PCCA: variants seen among roughly 807,000 people sequenced by gnomAD.
The protein encoded by PCCA is propionyl-CoA carboxylase alpha chain, mitochondrial.
A neutral mutation model predicts 101.3 loss-of-function variants in PCCA; 74 were observed. The observed-to-expected ratio is 0.73, with a 90% CI of 0.61 to 0.89. PCCA has a LOEUF of 0.89. Among genes scored for constraint, PCCA ranks in the 40% least tolerant of loss-of-function variants. The pLI, the probability that PCCA is intolerant of heterozygous loss-of-function variation, is 0.00. For missense variants in PCCA, 891 were observed against 907.0 expected (o/e 0.98, Z 0.23); for synonymous variants, 294 against 313.6 (o/e 0.94, Z 0.66).
At chr13:100,314,558 G>A (rs1282063969) in intron 16 of PCCA, among the ~76,000 whole-genome samples, 1 of 152,134 alleles carries the variant, frequency 6.6e-6, no homozygotes. Flanking sequence ...CATCTCATTA[G>A]CATAAACTCA....
chr13:100,127,603 G>T (rs2050079454), intron 4 of PCCA, among the ~76,000 whole-genome samples: 1 of 152,144 alleles, frequency 6.6e-6, no homozygotes, highest in Non-Finnish European at 1.5e-5. Flanking sequence ...TATAATAAAA[G>T]ATTTGAGGGC....
chr13:100,450,933 C>A (rs2081177322), intron 21 of PCCA, among the ~76,000 whole-genome samples: 1 of 152,144 alleles, frequency 6.6e-6, no homozygotes, highest in South Asian at 2.1e-4. Context: ...ATGGAATCAA[C>A]AAGATGTGTG....
intron 8 of PCCA, among the ~76,000 whole-genome samples, chr13:100,254,421 A>C (rs2061948185): frequency 6.6e-6 from 1 of 152,230 alleles, no homozygotes; most frequent in African/African-American, 2.4e-5. Context: ...AAAATGTGAG[A>C]GAACATTAGT....
chr13:100,421,945 A>G (rs889241341), intron 19 of PCCA, among the ~76,000 whole-genome samples: 6 of 152,120 alleles, frequency 3.9e-5, no homozygotes, highest in African/African-American at 1.4e-4. Context: ...TCGGCCTCCC[A>G]AAGTGCTGGG....
chr13:100,316,735 G>C (rs1189710436), intron 16 of PCCA, among the ~76,000 whole-genome samples: 2 of 151,932 alleles, frequency 1.3e-5, no homozygotes, highest in Non-Finnish European at 2.9e-5. Flanking sequence ...ATGAAAGCCA[G>C]TAAAGTTAAA....
At chr13:100,232,638 C>T (rs1054434311) in intron 7 of PCCA, among the ~76,000 whole-genome samples, 1 of 152,142 alleles carries the variant, frequency 6.6e-6, no homozygotes, top group Non-Finnish European at 1.5e-5. Flanking sequence ...ATCTTGGCCT[C>T]CCAAAGTGCT....
At chr13:100,182,615 T>C (rs781466269) in intron 6 of PCCA, among the ~76,000 whole-genome samples, 4 of 152,050 alleles carry the variant, frequency 2.6e-5, no homozygotes, top group Non-Finnish European at 5.9e-5. Flanking sequence ...AGTCAGTCAG[T>C]CTTCTCTCTG....
At chr13:100,326,164 TATGAAAGAGGCAACCAAGGAAATC>T (rs2068654180) in intron 16 of PCCA, among the ~76,000 whole-genome samples, 1 of 152,200 alleles carries the variant, frequency 6.6e-6, no homozygotes, top group Admixed American at 6.5e-5. Flanking sequence ...TCACAGGATT[TATGAAAGAGGCAACCAAGGAAATC>T]ATGAAAGAGA....
intron 18 of PCCA, among the ~76,000 whole-genome samples, chr13:100,341,900 C>G (rs1420105594): frequency 6.8e-6 from 1 of 146,462 alleles, no homozygotes; most frequent in Non-Finnish European, 1.5e-5. Flanking sequence ...TAAAAATTAC[C>G]TGTAATCCCA....
At chr13:100,275,234 C>A (rs1315993701) in intron 12 of PCCA, among the ~76,000 whole-genome samples, 1 of 152,096 alleles carries the variant, frequency 6.6e-6, no homozygotes, top group Non-Finnish European at 1.5e-5. Flanking sequence ...TGTCTTCATG[C>A]CTGTGCCTCT....
chr13:100,137,810 T>TA (rs1275320601), intron 4 of PCCA, among the ~76,000 whole-genome samples: 2 of 151,324 alleles, frequency 1.3e-5, no homozygotes, highest in Admixed American at 6.6e-5. Context: ...AAGTCTTTTT[T>TA]TTTTTTTTAT....
chr13:100,128,158 T>G lies in PCCA; in HGVS notation c.300+16097T>G, dbSNP rs1184528295. On this transcript the variant is annotated intron_variant, in intron 4 of 23. Coordinates refer to ENST00000376285, the MANE Select transcript of PCCA (RefSeq NM_000282.4). Reference sequence around the variant, plus strand: ...GGGGCTTCAAGTATAAAGCCAATCTTCGGGTTGCCAAAGATCACTGGGCTA... The same window carrying G: ...GGGGCTTCAAGTATAAAGCCAATCTGCGGGTTGCCAAAGATCACTGGGCTA... Among the ~76,000 whole-genome samples the G allele has an allele frequency of 2.0e-5, 3 of 152,202 alleles. No individual in the cohort carries two copies. In the East Asian group the frequency reaches 5.8e-4, roughly 29 times the overall value.
At chr13:100,371,509 G>A (rs1363403015) in intron 19 of PCCA, among the ~76,000 whole-genome samples, 2 of 152,138 alleles carry the variant, frequency 1.3e-5, no homozygotes, top group African/African-American at 4.8e-5. Context: ...GGCTGAGACA[G>A]TAGGTTCACT....
chr13:100,141,911 C>T (rs1218049820), intron 4 of PCCA, among the ~76,000 whole-genome samples: 1 of 152,134 alleles, frequency 6.6e-6, no homozygotes, highest in Non-Finnish European at 1.5e-5. Context: ...ATGGGTGGAA[C>T]ATCAAATAGT....
chr13:100,468,072 G>A (rs764955733), intron 21 of PCCA, among the ~76,000 whole-genome samples: 7 of 152,126 alleles, frequency 4.6e-5, no homozygotes, highest in South Asian at 2.1e-4. Context: ...GTATATCTCC[G>A]TCAGAGCTCC....
rs139801580 is a variant in PCCA, at chr13:100,353,601, G to A, written c.1643+13342G>A. Among the ~76,000 whole-genome samples the A allele has an allele frequency of 8.7e-4, 133 of 152,092 alleles. 1 individual carries two copies. The highest frequency in any genetic ancestry group is 2.3e-3 in the African/African-American group (97 of 41,464). On this transcript the variant is annotated intron_variant, in intron 18 of 23. Coordinates refer to ENST00000376285, the MANE Select transcript of PCCA (RefSeq NM_000282.4). The stretch of plus-strand genomic sequence containing the variant: ...TATAAACATCACAACATCTAAAAAC[G>A]TGTGGGCTGCACATAAGCAGTGCTT...
chr13:100,150,712 T>C, intron 4 of PCCA: 1 of 1,578,234 alleles, frequency 6.3e-7, no homozygotes, highest in East Asian at 2.2e-5. Context: ...CCTCAAAAAA[T>C]TTGTATGTGG....
rs116149731 is a variant in PCCA at position 100,099,315 on chromosome 13, C to T, written c.106-3568C>T. On this transcript the variant is annotated intron_variant, in intron 1 of 23. Coordinates refer to ENST00000376285, the MANE Select transcript of PCCA (RefSeq NM_000282.4). ...CTTATGAAAGTAGGTGCTATCTAAT[C>T]TTTTTTTTTTTTTTTTTTTTGAGAT... Among the ~76,000 whole-genome samples, 987 of 124,440 alleles carry T rather than the reference C, an allele frequency of 7.9e-3. 9 individuals are homozygous for T. Among genetic ancestry groups the T allele is most frequent in the African/African-American group, 0.029 (938 of 32,556 alleles). 81.6% of individuals were successfully genotyped at this position (124,440 alleles called of 152,430 possible). A position where few individuals can be genotyped will look rare whatever the true frequency, so the allele number is the denominator to read the frequency against.
chr13:100,495,377 C>G (rs1381712644), intron 21 of PCCA, among the ~76,000 whole-genome samples: 1 of 152,178 alleles, frequency 6.6e-6, no homozygotes, highest in Admixed American at 6.5e-5. Flanking sequence ...ATGGCCAGCA[C>G]TGGAGAGACG....
Sources: allele counts gnomAD v4.1 joint callset (sites outside exome capture counted in the v4.1 genomes callset), GRCh38; gene constraint gnomAD v4.1.1; transcripts MANE v1.5; gene names NCBI Gene and HGNC (gene_info 2026-07-23, HGNC 2026-07-21).